DLEU7: variants seen among roughly 807,000 people sequenced by gnomAD.
DLEU7 encodes leukemia-associated protein 7.
DLEU7 carries 17 observed loss-of-function variants against 16.0 expected under a neutral mutation model. That is an observed-to-expected ratio of 1.06 (90% CI 0.73 to 1.59). DLEU7 has a LOEUF of 1.59. Ranked by LOEUF, DLEU7 falls within the 40% of genes most tolerant of loss-of-function variation. The pLI is 0.00. For synonymous variants in DLEU7, 113 were observed against 139.8 expected (o/e 0.81, Z 1.35); for missense variants, 308 against 314.9 (o/e 0.98, Z 0.17).
chr13:50,822,720 A>G, downstream of DLEU7: 8 of 985,324 alleles, frequency 8.1e-6, no homozygotes, highest in Non-Finnish European at 8.4e-6. Flanking sequence ...AAGTTTTTAA[A>G]TTAGTATATA....
chr13:50,723,441 C>T (rs1439923146), intron 1 of DLEU7, among the ~76,000 whole-genome samples: 1 of 151,896 alleles, frequency 6.6e-6, no homozygotes, highest in Non-Finnish European at 1.5e-5. Context: ...CACACACACA[C>T]ACACGTATTG....
In DLEU7 at chr13:50,789,265, G is replaced by A. The variant is rs866260902; in HGVS notation, c.459+53923C>T. Among the ~76,000 whole-genome samples the A allele has an allele frequency of 5.4e-4, 81 of 150,940 alleles. 3 individuals are homozygous for A. Among genetic ancestry groups the A allele is most frequent in the Middle Eastern group, 3.4e-3 (1 of 294 alleles). The stretch of plus-strand genomic sequence containing the variant: ...GGTCAGAGTGTTGGCCTAAGTTCCC[G>A]AGTTCTTATGTTGGTTCTGCTGCTG... On this transcript the variant is annotated intron_variant, in intron 1 of 1. Coordinates refer to the DLEU7 transcript ENST00000400393.
chr13:50,755,190 A>C (rs1302793058), intron 1 of DLEU7, among the ~76,000 whole-genome samples: 4 of 152,158 alleles, frequency 2.6e-5, no homozygotes, highest in Non-Finnish European at 4.4e-5. Flanking sequence ...TTTTGTGATG[A>C]ATTTCCCAGG....
chr13:50,755,421 G>T (rs149913659), intron 1 of DLEU7, among the ~76,000 whole-genome samples: 2,896 of 152,108 alleles, frequency 0.019, 64 homozygotes, highest in Middle Eastern at 0.054. Flanking sequence ...GTTATATTGG[G>T]TTAATTTGAA....
At chr13:50,733,191 A>G (rs1048461240) in intron 1 of DLEU7, among the ~76,000 whole-genome samples, 10 of 152,244 alleles carry the variant, frequency 6.6e-5, no homozygotes, top group African/African-American at 2.4e-4. Flanking sequence ...ATGATGCTCA[A>G]GCCTCAACCC....
In DLEU7 at chr13:50,785,878, C is replaced by G. The variant is rs192017878; in HGVS notation, c.459+57310G>C. On this transcript the variant is annotated intron_variant, in intron 1 of 1. Coordinates refer to the DLEU7 transcript ENST00000400393. ...CCATGGATATTCCAGGCCCTTTATT[C>G]TATACTCTCATTATCTAAAGGCAGC... Among the ~76,000 whole-genome samples, 233 of 152,274 alleles carry G rather than the reference C, an allele frequency of 1.5e-3. 1 individual carries two copies. The highest frequency in any genetic ancestry group is 3.5e-3 in the Admixed American group (54 of 15,290).
At chr13:50,786,382 C>T (rs1217163679) in intron 1 of DLEU7, among the ~76,000 whole-genome samples, 2 of 152,128 alleles carry the variant, frequency 1.3e-5, no homozygotes, top group Non-Finnish European at 2.9e-5. Flanking sequence ...AGTTCCTGAA[C>T]ACATAGATAA....
At chr13:50,797,857 G>A (rs1445629151) in intron 1 of DLEU7, among the ~76,000 whole-genome samples, 2 of 152,142 alleles carry the variant, frequency 1.3e-5, no homozygotes, top group Non-Finnish European at 2.9e-5. Context: ...TTTAATGGGG[G>A]CCACAGAGAA....
chr13:50,732,999 T>G (rs1375524585), intron 1 of DLEU7, among the ~76,000 whole-genome samples: 1 of 152,216 alleles, frequency 6.6e-6, no homozygotes, highest in Non-Finnish European at 1.5e-5. Flanking sequence ...TTACTGCTGC[T>G]TAATCTGCTG....
intron 1 of DLEU7, among the ~76,000 whole-genome samples, chr13:50,832,353 T>G (rs752308558): frequency 1.2e-4 from 19 of 152,166 alleles, no homozygotes; most frequent in Non-Finnish European, 1.9e-4. Context: ...ATTTTTATTG[T>G]GTCTATTTGA....
intron 1 of DLEU7, among the ~76,000 whole-genome samples, chr13:50,802,672 A>G (rs1484795175): frequency 1.3e-5 from 2 of 152,188 alleles, no homozygotes; most frequent in Non-Finnish European, 2.9e-5. Flanking sequence ...CTAAACTTGG[A>G]TGGCACAAAA....
chr13:50,725,556 G>C (rs1298692811), intron 1 of DLEU7, among the ~76,000 whole-genome samples: 1 of 152,166 alleles, frequency 6.6e-6, no homozygotes, highest in Non-Finnish European at 1.5e-5. Flanking sequence ...AAAGGAATTA[G>C]CTATCTATGA....
intron 1 of DLEU7, among the ~76,000 whole-genome samples, chr13:50,755,905 T>C (rs1252768271): frequency 6.6e-6 from 1 of 152,188 alleles, no homozygotes; most frequent in Non-Finnish European, 1.5e-5. Context: ...CCATGGGGTG[T>C]TCCCTTGATG....
chr13:50,718,576 T>G (rs1200249096), intron 1 of DLEU7, among the ~76,000 whole-genome samples: 1 of 152,226 alleles, frequency 6.6e-6, no homozygotes, highest in Non-Finnish European at 1.5e-5. Flanking sequence ...GCATGTTTTC[T>G]GAATCAGTCA....
At chr13:50,839,256 C>A (rs1022678337) in intron 1 of DLEU7, among the ~76,000 whole-genome samples, 1 of 152,244 alleles carries the variant, frequency 6.6e-6, no homozygotes, top group Non-Finnish European at 1.5e-5. Context: ...GTCCTCAATT[C>A]CTCCAAGCCT....
intron 1 of DLEU7, among the ~76,000 whole-genome samples, chr13:50,737,934 T>A (rs1470287813): frequency 2.6e-5 from 4 of 152,026 alleles, no homozygotes; most frequent in Non-Finnish European, 5.9e-5. Context: ...TAAACCAAGA[T>A]GTGAATGCAA....
At chr13:50,824,439 T>C (rs1398511156) in intron 1 of DLEU7, among the ~76,000 whole-genome samples, 1 of 152,204 alleles carries the variant, frequency 6.6e-6, no homozygotes, top group Non-Finnish European at 1.5e-5. Flanking sequence ...TGCTACTGAA[T>C]TCCTAAAACT....
chr13:50,809,546 G>A (rs1376753699), intron 1 of DLEU7, among the ~76,000 whole-genome samples: 1 of 152,134 alleles, frequency 6.6e-6, no homozygotes, highest in Non-Finnish European at 1.5e-5. Flanking sequence ...GAGATTTCCT[G>A]AGAGTTTGTT....
At chr13:50,832,522 G>A (rs976554262) in intron 1 of DLEU7, among the ~76,000 whole-genome samples, 2 of 152,064 alleles carry the variant, frequency 1.3e-5, no homozygotes, top group Non-Finnish European at 2.9e-5. Flanking sequence ...TCTTCTGCTA[G>A]CTTTTGAAGT....
Sources: allele counts gnomAD v4.1 joint callset (sites outside exome capture counted in the v4.1 genomes callset), GRCh38; gene constraint gnomAD v4.1.1; transcripts MANE v1.5; gene names NCBI Gene and HGNC (gene_info 2026-07-23, HGNC 2026-07-21).